The following WDR90 variants were observed in gnomAD, a reference collection of about 807,000 sequenced individuals.
The protein encoded by WDR90 is WD repeat domain 90, also known as WD repeat-containing protein 90.
In WDR90, 238 loss-of-function variants were observed where a neutral mutation model predicts 195.2. That is an observed-to-expected ratio of 1.22 (90% CI 1.10 to 1.36). The LOEUF is 1.36. WDR90 is among the 40% of genes most tolerant of loss of function. The pLI is 0.00. For missense variants in WDR90, 2,734 were observed against 2,439.5 expected (o/e 1.12, Z -2.54); for synonymous variants, 1,265 against 1,052.4 (o/e 1.20, Z -3.91).
chr16:649,548 A>AGG, intron 1 of WDR90, 122 bp downstream of exon 1: 1 of 1,237,862 alleles, frequency 8.1e-7, no homozygotes, highest in Non-Finnish European at 1.0e-6. Flanking sequence ...CCGCTCAGGC[A>AGG]GGGTCCCGTC....
At chr16:653,046 C>T (rs555402076) in intron 10 of WDR90, among the ~76,000 whole-genome samples, 146 of 152,342 alleles carry the variant, frequency 9.6e-4, no homozygotes, top group African/African-American at 3.3e-3. Context: ...ACCCCCACCC[C>T]GGAGTTTCTT....
At position 657,078 on chromosome 16, in the gene WDR90, G is replaced by T; in HGVS notation, c.2343-13G>T. The T allele has an allele frequency of 6.3e-7, 1 of 1,596,948 alleles. No individual in the cohort carries two copies. The highest frequency in any genetic ancestry group is 8.5e-7 in the Non-Finnish European group (1 of 1,175,712). Reference sequence around the variant, plus strand: ...CGGGGCTAGGGCCAGCGGGGTCCCTGTGTGTGCTGCAGGTGCCACCGAGGA... The same window carrying T: ...CGGGGCTAGGGCCAGCGGGGTCCCTTTGTGTGCTGCAGGTGCCACCGAGGA... On this transcript the variant is annotated splice_polypyrimidine_tract_variant and intron_variant, in intron 19 of 40. Coordinates refer to ENST00000293879, the MANE Select transcript of WDR90 (RefSeq NM_145294.5).
intron 19 of WDR90, 63 bp from the exon 20 acceptor site, chr16:657,028 G>A (rs911356878): frequency 1.6e-5 from 26 of 1,577,786 alleles, no homozygotes; most frequent in Middle Eastern, 1.8e-4. Context: ...GCTGGAGGTC[G>A]AGGGAACCCA....
At chr16:654,825 A>G (rs1352613807) in intron 13 of WDR90, 2 of 591,064 alleles carry the variant, frequency 3.4e-6, no homozygotes, top group Non-Finnish European at 6.0e-6. Context: ...AGTGCTCAGC[A>G]TTGCGGGTCT....
At chr16:667,066 AG>A in intron 40 of WDR90, 77 bp downstream of exon 40, 1 of 1,445,170 alleles carries the variant, frequency 6.9e-7, no homozygotes, top group Middle Eastern at 1.8e-4. Context: ...GTTCCAAGAC[AG>A]GTGCCTCACC....
chr16:659,912 C>T (rs2037857579), intron 26 of WDR90, 146 bp from the exon 27 acceptor site: 2 of 650,096 alleles, frequency 3.1e-6, no homozygotes, highest in Non-Finnish European at 5.1e-6. Context: ...CACGGTTTGC[C>T]TGCGTCTGTG....
chr16:651,099 G>T lies in WDR90; in HGVS notation c.664G>T (p.Val222Phe), dbSNP rs199986415. ...GAGCTGGCATGACCGCTACATCCACGTCCGGTGAGTGGTTCTGCTTCTTTC... is the reference window on the plus strand; with the variant it reads ...GAGCTGGCATGACCGCTACATCCACTTCCGGTGAGTGGTTCTGCTTCTTTC... ...GESWHDRYIH[V>F]RFPSESLKVP... The change falls in exon 6 of 41, where the codon GTC becomes TTC. Residue 222 changes from valine (V) to phenylalanine (F), a missense_variant. Val to Phe is a conservative substitution (Grantham distance 50). Transcript: ENST00000293879. The T allele has an allele frequency of 3.7e-6, 6 of 1,613,502 alleles. No individual in the cohort carries two copies. Among genetic ancestry groups the T allele is most frequent in the Non-Finnish European group, 5.1e-6 (6 of 1,179,928 alleles).
Position 665,824 on chromosome 16 carries a change from G to A in WDR90, c.4434+23G>A, listed in dbSNP as rs373950129. Reference sequence around the variant, plus strand: ...CAGGTGTGTGGGGAGTGCCCGGGCCGGGGGCGGGATGGGGGCCTGCTCAGT... The same window carrying A: ...CAGGTGTGTGGGGAGTGCCCGGGCCAGGGGCGGGATGGGGGCCTGCTCAGT... On this transcript the variant is annotated intron_variant, in intron 35 of 40. Coordinates refer to ENST00000293879, the MANE Select transcript of WDR90 (RefSeq NM_145294.5). The A allele has an allele frequency of 1.9e-4, 291 of 1,562,400 alleles. 5 individuals carry two copies. The South Asian group carries it at 2.1e-3, about 11-fold the overall frequency.
rs374521595 is a variant in WDR90 at position 662,243 on chromosome 16, C to T, written c.4057C>T (p.Arg1353Ter). The part of the protein sequence containing the change: ...GIGLLLFSGS[R>*]LVSGSSTGRL... ...AGGGCTGTTGCTGTTCTCGGGTTCT[C>T]GATTGGTCAGCGGCAGCAGCACGGG... The change falls in exon 33 of 41, where the codon CGA becomes TGA. Residue 1353 changes from arginine to a stop codon, truncating the protein, a stop_gained. Coordinates refer to ENST00000293879, the MANE Select transcript of WDR90 (RefSeq NM_145294.5). LOFTEE classifies it high-confidence loss of function. 3.9e-5 allele frequency: 61 copies of T among 1,579,284 alleles called. 1 individual carries two copies. Among genetic ancestry groups the T allele is most frequent in the East Asian group, 6.9e-5 (3 of 43,232 alleles).
intron 17 of WDR90, 42 bp downstream of exon 17, chr16:655,931 G>T: frequency 6.5e-7 from 1 of 1,548,308 alleles, no homozygotes; most frequent in Non-Finnish European, 8.7e-7. Context: ...GGAGAGCCTC[G>T]CCTGGATGCT....
chr16:657,680 AG>A, intron 20 of WDR90, 81 bp from the exon 21 acceptor site: 1 of 1,432,312 alleles, frequency 7.0e-7, no homozygotes. Context: ...AAGTGGGGGC[AG>A]GGGCGGCGGC....
intron 9 of WDR90, 137 bp from the exon 10 acceptor site, chr16:652,330 A>T: frequency 9.3e-7 from 1 of 1,075,188 alleles, no homozygotes; most frequent in South Asian, 1.6e-5. Flanking sequence ...TACCACAGCC[A>T]GCAGGAGCCA....
rs186982364 is a variant in WDR90, at chr16:652,671, C to T, written c.1122+136C>T. On this transcript the variant is annotated intron_variant, in intron 10 of 40. Coordinates refer to ENST00000293879, the MANE Select transcript of WDR90 (RefSeq NM_145294.5). ...TCCCGAGCCCCCCTGGCACAGCGGT[C>T]CCGTCCCCCTGCAGTCCGCTGCTTC... is the stretch of plus-strand genomic sequence containing the variant. The T allele has an allele frequency of 1.9e-3, 1,841 of 945,700 alleles. 8 individuals are homozygous for T. The Middle Eastern group carries it at 0.024, about 12-fold the overall frequency. 58.6% of individuals were successfully genotyped at this position (945,700 alleles called of 1,614,324 possible). A position where few individuals can be genotyped will look rare whatever the true frequency, so the allele number is the denominator to read the frequency against.
chr16:653,949 T>A, intron 13 of WDR90, 146 bp downstream of exon 13: 1 of 999,202 alleles, frequency 1.0e-6, no homozygotes. Context: ...CCCTGCACTC[T>A]GGTGTTCATG....
rs1008515865 is a variant in WDR90 at position 658,021 on chromosome 16, C to T, written c.2604+129C>T. ...GTCCCGCCTCCTGTCGCAGAGTACA[C>T]ATCAGCCATGTGGGGCCCACGTGCG... is the stretch of plus-strand genomic sequence containing the variant. On this transcript the variant is annotated intron_variant, in intron 21 of 40. Coordinates refer to ENST00000293879, the MANE Select transcript of WDR90 (RefSeq NM_145294.5). The T allele has an allele frequency of 1.2e-5, 17 of 1,456,638 alleles. No homozygotes were observed. The East Asian group carries it at 2.5e-4, about 21-fold the overall frequency. 90.2% of individuals were successfully genotyped at this position (1,456,638 alleles called of 1,614,324 possible).
chr16:653,417 G>C lies in WDR90; in HGVS notation c.1199G>C (p.Gly400Ala). Reference sequence around the variant, plus strand: ...ATCGTCGTCCTGCTCGTGGACACGGGGGAGCAGCGCTTCTTCCTTGGCCAC... The same window carrying C: ...ATCGTCGTCCTGCTCGTGGACACGGCGGAGCAGCGCTTCTTCCTTGGCCAC... Reference protein sequence around the residue: ...AVIVVLLVDTGEQRFFLGHTD... With the variant: ...AVIVVLLVDTAEQRFFLGHTD... The change falls in exon 11 of 41, where the codon GGG becomes GCG. Residue 400 changes from glycine to alanine, a missense_variant. Physicochemically the swap from Gly to Ala is moderately conservative, Grantham distance 60. Transcript: ENST00000293879. 1 of 1,611,446 alleles carries C rather than the reference G, an allele frequency of 6.2e-7. No individual in the cohort carries two copies. Among genetic ancestry groups the C allele is most frequent in the Non-Finnish European group, 8.5e-7 (1 of 1,179,246 alleles).
At chr16:660,989 GGCCCCTCCCCGCCCC>G (rs1252541577) in intron 28 of WDR90, 47 bp from the exon 29 acceptor site, 2 of 24,686 alleles carry the variant, frequency 8.1e-5, no homozygotes, top group African/African-American at 8.8e-4. Flanking sequence ...CCCCTCCCCA[GGCCCCTCCCCGCCCC>G]CCCCCCCCCC....
At chr16:657,537 CT>C (rs1294183435) in intron 20 of WDR90, among the ~76,000 whole-genome samples, 1 of 152,226 alleles carries the variant, frequency 6.6e-6, no homozygotes, top group Admixed American at 6.5e-5. Context: ...CTTGGGCCCC[CT>C]GAGTGGTCAC....
rs754192955 is a variant in WDR90 at position 657,901 on chromosome 16, G to T, written c.2604+9G>T. 3 of 1,558,280 alleles carry T rather than the reference G, an allele frequency of 1.9e-6. No individual in the cohort carries two copies. The highest frequency in any genetic ancestry group is 2.6e-6 in the Non-Finnish European group (3 of 1,150,520). ...CGGCCTCCCTTGATGAGGTGAGTCC[G>T]CAGCCCTCCTGGGTCCAGGGAGACT... On this transcript the variant is annotated intron_variant, in intron 21 of 40. Coordinates refer to ENST00000293879, the MANE Select transcript of WDR90 (RefSeq NM_145294.5).
Sources: gnomAD v4.1 joint callset for allele counts (sites outside exome capture counted in the v4.1 genomes callset) on GRCh38, gnomAD v4.1.1 for gene constraint, MANE v1.5 for transcripts, NCBI Gene and HGNC (gene_info 2026-07-23, HGNC 2026-07-21) for gene names.